The following RSF1 variants were observed in gnomAD, a reference collection of about 807,000 sequenced individuals.
RSF1 encodes the protein HBV pX-associated protein 8.
In RSF1, 13 loss-of-function variants were observed where a neutral mutation model predicts 145.2. The ratio of observed to expected loss-of-function variants is 0.09; its 90% CI spans 0.06 to 0.14. RSF1 has a LOEUF of 0.14. Among genes scored for constraint, RSF1 ranks in the 10% least tolerant of loss-of-function variants. The pLI is 1.00. For synonymous variants in RSF1, 577 were observed against 592.6 expected (o/e 0.97, Z 0.38); for missense variants, 1,517 against 1,718.2 (o/e 0.88, Z 2.07).
chr11:77,699,909 G>A (rs539999377), intron 6 of RSF1, among the ~76,000 whole-genome samples: 7 of 152,232 alleles, frequency 4.6e-5, no homozygotes, highest in Non-Finnish European at 8.8e-5. Flanking sequence ...GTACTGTGTG[G>A]CCATTAACAA....
intron 1 of RSF1, among the ~76,000 whole-genome samples, chr11:77,774,832 T>A (rs1948325507): frequency 1.3e-5 from 2 of 150,654 alleles, no homozygotes; most frequent in African/African-American, 2.4e-5. Context: ...AATGGCATGA[T>A]CTCGGCTTGC....
At position 77,663,314 on chromosome 11, in the gene RSF1, T is replaced by C. The variant is rs1959277661; in HGVS notation, c.*3603A>G. 6.6e-6 allele frequency: 1 copy of C among 152,172 alleles called. No individual in the cohort carries two copies. The highest frequency in any genetic ancestry group is 1.5e-5 in the Non-Finnish European group (1 of 68,016). 9.4% of individuals were successfully genotyped at this position (152,172 alleles called of 1,614,324 possible). On this transcript the variant is annotated 3_prime_UTR_variant, in exon 16 of 16. Transcript: ENST00000308488. The stretch of plus-strand genomic sequence containing the variant: ...CTTAAAAACAGCTAACATTTCCTCA[T>C]CATTTTGACTATTAAACAAGTAAAT...
At position 77,669,989 on chromosome 11, in the gene RSF1, T is replaced by C. The variant is rs142289747; in HGVS notation, c.3751+2053A>G. On this transcript the variant is annotated intron_variant, in intron 15 of 15. Coordinates refer to ENST00000308488, the MANE Select transcript of RSF1 (RefSeq NM_016578.4). ...ATAAAATAAATTTAAAAATTAGCAG[T>C]GTGGTGGCTTATGCCACTTCTAGCC... Among the ~76,000 whole-genome samples the C allele has an allele frequency of 2.9e-3, 437 of 152,280 alleles. 5 individuals are homozygous for C. Among genetic ancestry groups the C allele is most frequent in the African/African-American group, 0.01 (420 of 41,554 alleles).
intron 1 of RSF1, among the ~76,000 whole-genome samples, chr11:77,791,374 C>G (rs370631284): frequency 6.6e-6 from 1 of 152,144 alleles, no homozygotes; most frequent in African/African-American, 2.4e-5. Flanking sequence ...TGGGCCAGTG[C>G]TGGGATGGGA....
At chr11:77,729,894 G>GAAAAAAAAAAAAAAAAAAAAAAAAAAAA (rs1565162510) in intron 4 of RSF1, among the ~76,000 whole-genome samples, 1 of 11,776 alleles carries the variant, frequency 8.5e-5, no homozygotes, top group Non-Finnish European at 1.5e-4. Context: ...TATTCAGTAG[G>GAAAAAAAAAAAAAAAAAAAAAAAAAAAA]CAAAAAAAAA....
chr11:77,710,418 T>C (rs983240855), intron 5 of RSF1, among the ~76,000 whole-genome samples: 2 of 152,214 alleles, frequency 1.3e-5, no homozygotes, highest in Non-Finnish European at 2.9e-5. Flanking sequence ...TACAAGTTTA[T>C]TTTCTTTTTA....
Position 77,664,979 on chromosome 11 carries a change from A to AT in RSF1, c.*1937dup, listed in dbSNP as rs1959325371. On this transcript the variant is annotated 3_prime_UTR_variant, in exon 16 of 16. Coordinates refer to ENST00000308488, the MANE Select transcript of RSF1 (RefSeq NM_016578.4). ...ATTTTTAGGTTGCTTTCATTATTTT[A>AT]TTTTTTATACAGATACATACACATT... is the stretch of plus-strand genomic sequence containing the variant. 6.6e-6 allele frequency: 1 copy of AT among 152,132 alleles called. No homozygotes were observed. Among genetic ancestry groups the AT allele is most frequent in the Admixed American group, 6.5e-5 (1 of 15,268 alleles). 9.4% of individuals were successfully genotyped at this position (152,132 alleles called of 1,614,324 possible). A position where few individuals can be genotyped will look rare whatever the true frequency, so the allele number is the denominator to read the frequency against.
intron 2 of RSF1, among the ~76,000 whole-genome samples, chr11:77,752,833 A>G (rs553269512): frequency 5.7e-4 from 87 of 152,280 alleles, no homozygotes; most frequent in Non-Finnish European, 1.1e-3. Context: ...TCGGCACAAG[A>G]TAAAGGTCAT....
the RSF1 span, among the ~76,000 whole-genome samples, chr11:77,857,804 C>T: frequency 6.6e-6 from 1 of 150,992 alleles, no homozygotes; most frequent in Non-Finnish European, 1.5e-5. Context: ...TCAAGTGATT[C>T]TCCTGCCTCA....
the RSF1 span, chr11:77,850,942 T>C: frequency 6.7e-6 from 1 of 149,392 alleles, no homozygotes; most frequent in Non-Finnish European, 1.5e-5. Context: ...TTATCATTGA[T>C]ACAATAATAT....
At chr11:77,762,022 C>CTT (rs1554994575) in intron 2 of RSF1, 7,484 of 79,386 alleles carry the variant, frequency 0.094, 666 homozygotes, top group Non-Finnish European at 0.13. Context: ...ATTTTCTTTT[C>CTT]TTTTCTTTTT....
At chr11:77,780,328 C>T (rs1948390055) in intron 1 of RSF1, among the ~76,000 whole-genome samples, 2 of 152,140 alleles carry the variant, frequency 1.3e-5, no homozygotes, top group African/African-American at 4.8e-5. Context: ...AAAAAAGGAA[C>T]AAATTTCTAA....
chr11:77,755,179 T>C (rs562174729), intron 2 of RSF1, among the ~76,000 whole-genome samples: 1 of 152,270 alleles, frequency 6.6e-6, no homozygotes, highest in African/African-American at 2.4e-5. Context: ...ATGGCTGCTA[T>C]GTAGAAAATG....
chr11:77,683,994 A>C (rs1195079122), intron 10 of RSF1, among the ~76,000 whole-genome samples, 175 bp from the exon 11 acceptor site: 2 of 152,238 alleles, frequency 1.3e-5, no homozygotes, highest in Non-Finnish European at 2.9e-5. Flanking sequence ...CAGATTAAAA[A>C]GAATGCTGGT....
At position 77,676,872 on chromosome 11, in the gene RSF1, T is replaced by C. The variant is rs1959719633; in HGVS notation, c.3261A>G (p.Lys1087=). 7 of 1,614,088 alleles carry C rather than the reference T, an allele frequency of 4.3e-6. No individual in the cohort carries two copies. Among genetic ancestry groups the C allele is most frequent in the Non-Finnish European group, 5.9e-6 (7 of 1,179,990 alleles). The stretch of plus-strand genomic sequence containing the variant: ...TGTCCAGATCATTTAATCGCCGGCG[T>C]TTCTTCCTTCGAGCAGCAGCTGCCC... The part of the protein sequence containing the change: ...PQRAAAARRK[K]RRRLNDLDSD... The change falls in exon 13 of 16, where the codon AAA becomes AAG. Residue 1087 remains lysine, a synonymous_variant. Transcript: ENST00000308488.
chr11:77,661,499 A>C lies in RSF1; in HGVS notation c.*5418T>G, dbSNP rs1280385250. The stretch of plus-strand genomic sequence containing the variant: ...GCAGTGACCTTAAAGCTTTGGAGAC[A>C]GGGCTTGTTACTCTAATTTCAAGGC... On this transcript the variant is annotated 3_prime_UTR_variant, in exon 16 of 16. Coordinates refer to ENST00000308488, the MANE Select transcript of RSF1 (RefSeq NM_016578.4). 6.6e-6 allele frequency: 1 copy of C among 151,978 alleles called. No homozygotes were observed. The highest frequency in any genetic ancestry group is 1.5e-5 in the Non-Finnish European group (1 of 67,970). The allele number at this position is 151,978 out of a possible 1,614,324, so 9.4% of individuals were successfully genotyped here. A position where few individuals can be genotyped will look rare whatever the true frequency, so the allele number is the denominator to read the frequency against.
intron 4 of RSF1, among the ~76,000 whole-genome samples, chr11:77,726,314 TA>T (rs1248391991): frequency 6.6e-6 from 1 of 152,134 alleles, no homozygotes; most frequent in Non-Finnish European, 1.5e-5. Flanking sequence ...AAATTCTACT[TA>T]AAAAAGAGAC....
chr11:77,855,720 C>CTTTTTTTTTTTTT, the RSF1 span, among the ~76,000 whole-genome samples: 2 of 127,978 alleles, frequency 1.6e-5, 1 homozygote, highest in Non-Finnish European at 3.2e-5. Flanking sequence ...AGTTTTATGT[C>CTTTTTTTTTTTTT]TTTTTTTTTT....
chr11:77,724,935 T>C (rs1414826017), intron 5 of RSF1, among the ~76,000 whole-genome samples: 1 of 152,188 alleles, frequency 6.6e-6, no homozygotes, highest in African/African-American at 2.4e-5. Flanking sequence ...TGGGGACCCC[T>C]GTAACATGGA....
Sources: allele counts gnomAD v4.1 joint callset (sites outside exome capture counted in the v4.1 genomes callset), GRCh38; gene constraint gnomAD v4.1.1; transcripts MANE v1.5; gene names NCBI Gene and HGNC (gene_info 2026-07-23, HGNC 2026-07-21).